The following MID1 variants were observed in gnomAD, a reference collection of about 807,000 sequenced individuals.
MID1 encodes the protein midline 1, also known as E3 ubiquitin-protein ligase Midline-1.
A neutral mutation model predicts 40.4 loss-of-function variants in MID1; 7 were observed. The ratio of observed to expected loss-of-function variants is 0.17; its 90% CI spans 0.10 to 0.33. The LOEUF (loss-of-function observed/expected upper bound fraction) is 0.33, where lower values mean the gene tolerates loss of function less well. Among genes scored for constraint, MID1 ranks in the 10% least tolerant of loss-of-function variants. The probability of loss-of-function intolerance (pLI) is 1.00; values close to 1 mark genes in which losing one functional copy is unlikely to be tolerated. For missense variants in MID1, 367 were observed against 558.5 expected, an observed-to-expected ratio of 0.66 and a Z score of 3.46; for synonymous variants, 229 against 221.2, an observed-to-expected ratio of 1.04 and a Z score of -0.31.
chrX:10,657,647 G>C (rs182512247), intron 1 of MID1, among the ~76,000 whole-genome samples: 1 of 111,913 alleles, frequency 8.9e-6, no homozygotes, highest in Non-Finnish European at 1.9e-5. Flanking sequence ...TATCCACAGG[G>C]CAATAAACTT....
intron 3 of MID1, among the ~76,000 whole-genome samples, chrX:10,519,053 A>G (rs898215660): frequency 8.9e-6 from 1 of 112,276 alleles, no homozygotes; most frequent in African/African-American, 3.2e-5. Flanking sequence ...TCAAGCCATA[A>G]TAATATTGCA....
chrX:10,759,673 G>C (rs995134945), intron 1 of MID1, among the ~76,000 whole-genome samples: 3 of 109,722 alleles, frequency 2.7e-5, no homozygotes, highest in Admixed American at 9.7e-5. Flanking sequence ...TTGTTTCTTA[G>C]CCACCTCTGT....
At chrX:10,695,300 C>T (rs765091373) in intron 1 of MID1, among the ~76,000 whole-genome samples, 1 of 111,083 alleles carries the variant, frequency 9.0e-6, no homozygotes, top group Non-Finnish European at 1.9e-5. Flanking sequence ...AATTTTTCTG[C>T]ATTTCTTGTA....
intron 1 of MID1, among the ~76,000 whole-genome samples, chrX:10,619,442 TTA>T (rs1296890070): frequency 3.5e-5 from 4 of 113,028 alleles, no homozygotes; most frequent in African/African-American, 6.4e-5. Flanking sequence ...TGTTTTCTCC[TTA>T]TATGAGTATT....
At chrX:10,823,873 A>G (rs2147161200) in intron 1 of MID1, among the ~76,000 whole-genome samples, 1 of 111,599 alleles carries the variant, frequency 9.0e-6, no homozygotes, top group South Asian at 3.7e-4. Context: ...ATTTCATTGG[A>G]CTCATTAGTA....
rs761465394 is a variant in MID1, at chrX:10,609,656, C to CA, written c.-57+10633dup. Among the ~76,000 whole-genome samples the CA allele has an allele frequency of 7.5e-5, 8 of 107,334 alleles. No individual in the cohort carries two copies. In the South Asian group the frequency reaches 3.3e-3, roughly 44 times the overall value. 93.2% of individuals were successfully genotyped at this position (107,334 alleles called of 115,157 possible). A position where few individuals can be genotyped will look rare whatever the true frequency, so the allele number is the denominator to read the frequency against. On this transcript the variant is annotated intron_variant, in intron 1 of 9. Transcript: ENST00000317552. The stretch of plus-strand genomic sequence containing the variant: ...TACTAAATAGTAGTTTTATCATTGT[C>CA]AAAAAAACCCATCAAACATCGTTGT...
intron 7 of MID1, among the ~76,000 whole-genome samples, chrX:10,461,167 A>ATATT (rs1929017297): frequency 9.5e-6 from 1 of 105,243 alleles, no homozygotes; most frequent in African/African-American, 3.5e-5. Flanking sequence ...ACACACACAC[A>ATATT]TATTTGGTCT....
chrX:10,450,426 TAC>T (rs1489157922), intron 9 of MID1, among the ~76,000 whole-genome samples: 3 of 112,657 alleles, frequency 2.7e-5, no homozygotes, highest in Non-Finnish European at 5.6e-5. Flanking sequence ...TTGAGAAATA[TAC>T]AGTGTTATTT....
intron 1 of MID1, among the ~76,000 whole-genome samples, chrX:10,725,456 T>C (rs2043383641): frequency 8.9e-6 from 1 of 112,299 alleles, no homozygotes. Context: ...TAAATTGACT[T>C]TTAAAAGATA....
intron 1 of MID1, among the ~76,000 whole-genome samples, chrX:10,587,841 T>A (rs1042692560): frequency 2.7e-5 from 3 of 111,257 alleles, no homozygotes; most frequent in South Asian, 3.8e-4. Flanking sequence ...TTCTGTATGA[T>A]TTTTATACTA....
intron 1 of MID1, among the ~76,000 whole-genome samples, chrX:10,785,883 T>G (rs1322615577): frequency 3.6e-5 from 4 of 111,842 alleles, no homozygotes; most frequent in African/African-American, 1.3e-4. Flanking sequence ...AACCTAGGTA[T>G]TACCATTCAG....
chrX:10,667,334 T>C (rs769860095), intron 1 of MID1, among the ~76,000 whole-genome samples: 4 of 111,633 alleles, frequency 3.6e-5, no homozygotes, highest in Non-Finnish European at 5.6e-5. Context: ...TCGGAGTGCA[T>C]GCTGGGATTA....
At chrX:10,763,434 T>C (rs1164620944) in intron 1 of MID1, among the ~76,000 whole-genome samples, 3 of 109,140 alleles carry the variant, frequency 2.7e-5, no homozygotes, top group Admixed American at 9.9e-5. Flanking sequence ...TCTGTCCTTG[T>C]GATAGTTTGC....
At chrX:10,640,324 T>A (rs1370495696) in intron 1 of MID1, among the ~76,000 whole-genome samples, 1 of 111,086 alleles carries the variant, frequency 9.0e-6, no homozygotes, top group African/African-American at 3.3e-5. Context: ...GAAGAAGACC[T>A]ACCAAGCAAA....
At chrX:10,719,509 C>T (rs2147095343) in intron 1 of MID1, among the ~76,000 whole-genome samples, 1 of 111,113 alleles carries the variant, frequency 9.0e-6, no homozygotes, top group African/African-American at 3.3e-5. Flanking sequence ...AGGACCTCTT[C>T]AAGGAGAACT....
intron 1 of MID1, among the ~76,000 whole-genome samples, chrX:10,813,315 C>T (rs899661048): frequency 4.5e-5 from 5 of 111,331 alleles, no homozygotes; most frequent in Non-Finnish European, 7.5e-5. Flanking sequence ...ATTGGCCTCC[C>T]ATCCTGGAAC....
At position 10,702,620 on chromosome X, in the gene MID1, G is replaced by A. The variant is rs142782871; in HGVS notation, c.-186-82201C>T. 3.0e-3 allele frequency among the ~76,000 whole-genome samples: 337 copies of A among 112,245 alleles called. 2 individuals are homozygous for A. Among genetic ancestry groups the A allele is most frequent in the African/African-American group, 0.01 (322 of 31,028 alleles). ...GTTTTTCGAAGGCAAACTCACATTT[G>A]CACCAATACAAATTATTTTTCCATG... On this transcript the variant is annotated intron_variant, in intron 1 of 10. Transcript: ENST00000380785.
At chrX:10,551,649 T>C (rs767519421) in intron 2 of MID1, among the ~76,000 whole-genome samples, 1 of 112,403 alleles carries the variant, frequency 8.9e-6, no homozygotes, top group Non-Finnish European at 1.9e-5. Context: ...TAAAATACCT[T>C]GTAGCTTTTC....
Position 10,521,144 on chromosome X carries a change from A to G in MID1, c.756+1948T>C, listed in dbSNP as rs754609647. Among the ~76,000 whole-genome samples the G allele has an allele frequency of 5.0e-4, 53 of 105,698 alleles. 1 individual carries two copies. The highest frequency in any genetic ancestry group is 9.2e-4 in the Admixed American group (9 of 9,827). The allele number at this position is 105,698 out of a possible 115,157, so 91.8% of individuals were successfully genotyped here. Reference sequence around the variant, plus strand: ...GGAGGGGGGCGGGCGGTGGGGGAGGAGTGTCATACACTTTTAAACAACCAG... The same window carrying G: ...GGAGGGGGGCGGGCGGTGGGGGAGGGGTGTCATACACTTTTAAACAACCAG... On this transcript the variant is annotated intron_variant, in intron 3 of 9. Transcript: ENST00000317552.
Sources: gnomAD v4.1 joint callset for allele counts (sites outside exome capture counted in the v4.1 genomes callset) on GRCh38, gnomAD v4.1.1 for gene constraint, MANE v1.5 for transcripts, NCBI Gene and HGNC (gene_info 2026-07-23, HGNC 2026-07-21) for gene names.